ZNF766: variants seen among roughly 807,000 people sequenced by gnomAD.
The protein encoded by ZNF766 is zinc finger protein 766.
A neutral mutation model predicts 13.2 loss-of-function variants in ZNF766; 13 were observed. That is an observed-to-expected ratio of 0.98 (90% CI 0.64 to 1.56). The LOEUF (loss-of-function observed/expected upper bound fraction) is 1.56, where lower values mean the gene tolerates loss of function less well. Ranked by LOEUF, ZNF766 falls within the 40% of genes most tolerant of loss-of-function variation. ZNF766 has a pLI of 0.00. For missense variants in ZNF766, 521 were observed against 552.2 expected (o/e 0.94, Z 0.57); for synonymous variants, 178 against 187.6 (o/e 0.95, Z 0.42).
intron 2 of ZNF766, among the ~76,000 whole-genome samples, chr19:52,282,869 A>G (rs1981601111): frequency 6.6e-6 from 1 of 152,142 alleles, no homozygotes; most frequent in South Asian, 2.1e-4. Flanking sequence ...ATGTCCAATT[A>G]TTACACAGTT....
intron 1 of ZNF766, among the ~76,000 whole-genome samples, chr19:52,277,928 T>C (rs1981292464): frequency 1.3e-5 from 2 of 151,416 alleles, no homozygotes; most frequent in Admixed American, 1.3e-4. Flanking sequence ...TGTGCACAAG[T>C]ACCTGGTAAA....
chr19:52,274,726 AAGGT>A (rs913312925), intron 1 of ZNF766: 20 of 152,306 alleles, frequency 1.3e-4, no homozygotes, highest in African/African-American at 4.8e-4. Context: ...TTGGGAAGCT[AAGGT>A]AGGAGAATCA....
rs1448211164 is a variant in ZNF766, at chr19:52,290,400, T to A, written c.609T>A (p.Pro203=). ...TCTTCAGAGTGTCTTCAAGCCTTCC[T>A]AATCATCAAGTAATCCACACTGCAG... ...GKVFRVSSSL[P]NHQVIHTADK... The change falls in exon 4 of 4, where the codon CCT becomes CCA. Residue 203 remains proline (P), a synonymous_variant. Coordinates refer to ENST00000439461, the MANE Select transcript of ZNF766 (RefSeq NM_001010851.3). 1.9e-6 allele frequency: 3 copies of A among 1,613,824 alleles called. No individual in the cohort carries two copies. Among genetic ancestry groups the A allele is most frequent in the Non-Finnish European group, 2.5e-6 (3 of 1,180,040 alleles).
rs764109573 is a variant in ZNF766, at chr19:52,290,549, A to G, written c.758A>G (p.Asn253Ser). 5.0e-6 allele frequency: 8 copies of G among 1,613,562 alleles called. No individual in the cohort carries two copies. Among genetic ancestry groups the G allele is most frequent in the African/African-American group, 2.7e-5 (2 of 74,766 alleles). ...YKCKECGKLF[N>S]RIAYLARHEK... ...TGTAAAGAGTGTGGCAAGCTCTTCA[A>G]TCGAATTGCATACCTTGCACGACAC... The change falls in exon 4 of 4, where the codon AAT (asparagine) becomes AGT (serine). Residue 253 changes from asparagine (N) to serine (S), a missense_variant. Transcript: ENST00000439461.
At chr19:52,269,984 C>A (rs1980904440) in intron 1 of ZNF766, among the ~76,000 whole-genome samples, 1 of 152,210 alleles carries the variant, frequency 6.6e-6, no homozygotes, top group Non-Finnish European at 1.5e-5. Context: ...GCGCCGCAGC[C>A]GCCATTCGGG....
At chr19:52,288,089 C>T (rs1392458202) in intron 3 of ZNF766, 4 of 364,866 alleles carry the variant, frequency 1.1e-5, no homozygotes, top group South Asian at 3.9e-5. Flanking sequence ...GGTGTGATCT[C>T]GGCTCACTGC....
chr19:52,287,802 G>T (rs1981906133), intron 3 of ZNF766, among the ~76,000 whole-genome samples: 1 of 151,688 alleles, frequency 6.6e-6, no homozygotes, highest in Non-Finnish European at 1.5e-5. Flanking sequence ...ATTTTTATTT[G>T]TGTAGACTTG....
chr19:52,290,043 A>G, intron 3 of ZNF766, 23 bp from the exon 4 acceptor site: 1 of 1,568,820 alleles, frequency 6.4e-7, no homozygotes, highest in Non-Finnish European at 8.6e-7. Context: ...GGTTCAAATT[A>G]TACTCTTTAC....
intron 1 of ZNF766, among the ~76,000 whole-genome samples, chr19:52,273,312 A>C (rs563615839): frequency 6.6e-6 from 1 of 152,312 alleles, no homozygotes; most frequent in African/African-American, 2.4e-5. Context: ...CCAGCCTATA[A>C]GTACATTAAT....
At chr19:52,284,727 C>G (rs375893757) in intron 3 of ZNF766, 10 of 152,024 alleles carry the variant, frequency 6.6e-5, no homozygotes, top group Admixed American at 6.6e-4. Flanking sequence ...CCTCGACCCC[C>G]TTCTTCTGTT....
intron 3 of ZNF766, among the ~76,000 whole-genome samples, chr19:52,283,695 AC>A (rs1047305784): frequency 1.3e-5 from 2 of 152,018 alleles, no homozygotes; most frequent in African/African-American, 4.8e-5. Flanking sequence ...ATCTTTCTTT[AC>A]CCCCACCTGT....
At chr19:52,283,824 G>A (rs1160522451) in intron 3 of ZNF766, among the ~76,000 whole-genome samples, 3 of 152,098 alleles carry the variant, frequency 2.0e-5, no homozygotes, top group African/African-American at 7.2e-5. Context: ...TGCAACCTCC[G>A]CCTCCCGGGT....
chr19:52,286,997 G>A (rs923259198), intron 3 of ZNF766, among the ~76,000 whole-genome samples: 4 of 151,140 alleles, frequency 2.6e-5, no homozygotes, highest in African/African-American at 7.3e-5. Context: ...CACCATGCCC[G>A]GATAACTTTT....
chr19:52,283,589 C>CCCTTG (rs1249940456), intron 3 of ZNF766, among the ~76,000 whole-genome samples, 176 bp downstream of exon 3: 5 of 151,942 alleles, frequency 3.3e-5, no homozygotes, highest in Admixed American at 3.3e-4. Flanking sequence ...AGGCATGTGC[C>CCCTTG]CCTTGCCTAC....
chr19:52,286,188 T>TC (rs71254004), intron 3 of ZNF766, among the ~76,000 whole-genome samples: 49,192 of 146,552 alleles, frequency 0.34, 8,618 homozygotes, highest in East Asian at 0.5. Flanking sequence ...AGTGGGCTTT[T>TC]CCCCCCTAAT....
chr19:52,278,240 C>T (rs1373807957), intron 1 of ZNF766, among the ~76,000 whole-genome samples: 1 of 151,892 alleles, frequency 6.6e-6, no homozygotes, highest in Non-Finnish European at 1.5e-5. Flanking sequence ...CAGGCCTTTT[C>T]TGACTTTTAG....
At chr19:52,271,513 G>C (rs1022309678) in intron 1 of ZNF766, among the ~76,000 whole-genome samples, 3 of 152,154 alleles carry the variant, frequency 2.0e-5, no homozygotes, top group East Asian at 3.8e-4. Context: ...CCCTCCCCCT[G>C]GCTGTTGCTG....
chr19:52,294,061 T>C lies in ZNF766; in HGVS notation c.*2863T>C, dbSNP rs1982259057. ...TGTATTATGTTTCTGTGTGCCTTTT[T>C]CTTGTGTGCCAAGTAAGACCCATGG... is the stretch of plus-strand genomic sequence containing the variant. On this transcript the variant is annotated 3_prime_UTR_variant, in exon 4 of 4. Coordinates refer to ENST00000439461, the MANE Select transcript of ZNF766 (RefSeq NM_001010851.3). 6.6e-6 allele frequency: 1 copy of C among 152,174 alleles called. No homozygotes were observed. 9.4% of individuals were successfully genotyped at this position (152,174 alleles called of 1,614,324 possible).
At chr19:52,287,150 T>C (rs1361780728) in intron 3 of ZNF766, among the ~76,000 whole-genome samples, 1 of 147,000 alleles carries the variant, frequency 6.8e-6, no homozygotes, top group Non-Finnish European at 1.5e-5. Flanking sequence ...TGCAGTTTTC[T>C]TTTTTTTTTT....
Sources: gnomAD v4.1 joint callset for allele counts (sites outside exome capture counted in the v4.1 genomes callset) on GRCh38, gnomAD v4.1.1 for gene constraint, MANE v1.5 for transcripts, NCBI Gene and HGNC (gene_info 2026-07-23, HGNC 2026-07-21) for gene names.